BBS9: variants seen among roughly 807,000 people sequenced by gnomAD.
BBS9 encodes the protein protein PTHB1.
BBS9 carries 89 observed loss-of-function variants against 117.7 expected under a neutral mutation model. The observed-to-expected ratio is 0.76, with a 90% CI of 0.64 to 0.90. The LOEUF (loss-of-function observed/expected upper bound fraction) is 0.90. Among genes scored for constraint, BBS9 ranks in the 40% least tolerant of loss-of-function variants. The pLI, the probability that BBS9 is intolerant of heterozygous loss-of-function variation, is 0.00. For synonymous variants in BBS9, 379 were observed against 370.9 expected (o/e 1.02, Z -0.25); for missense variants, 982 against 1,042.2 (o/e 0.94, Z 0.80).
intron 5 of BBS9, among the ~76,000 whole-genome samples, chr7:33,244,826 A>G (rs549418512): frequency 6.6e-6 from 1 of 152,328 alleles, no homozygotes; most frequent in South Asian, 2.1e-4. Context: ...TCTGAATCAA[A>G]AATCACTGCC....
intron 21 of BBS9, among the ~76,000 whole-genome samples, chr7:33,627,457 G>T (rs983485931): frequency 6.6e-6 from 1 of 152,288 alleles, no homozygotes; most frequent in East Asian, 1.9e-4. Flanking sequence ...GTCCCCAGTG[G>T]GGCACTGCCT....
chr7:33,216,406 A>C (rs1168894207), intron 5 of BBS9, among the ~76,000 whole-genome samples: 1 of 152,218 alleles, frequency 6.6e-6, no homozygotes, highest in Non-Finnish European at 1.5e-5. Context: ...TTGCCAAGGA[A>C]AGGGATTAGT....
chr7:33,174,976 C>T (rs1797119004), intron 4 of BBS9, among the ~76,000 whole-genome samples: 1 of 152,146 alleles, frequency 6.6e-6, no homozygotes, highest in Admixed American at 6.5e-5. Flanking sequence ...CAAATTTAAG[C>T]CTTTATGTTT....
intron 21 of BBS9, among the ~76,000 whole-genome samples, chr7:33,559,854 G>T (rs987948058): frequency 2.0e-5 from 3 of 151,986 alleles, no homozygotes; most frequent in African/African-American, 4.8e-5. Context: ...TCACCTATCT[G>T]CAGCTTCCAG....
chr7:33,606,898 CTTG>C (rs1393185009), downstream of BBS9, among the ~76,000 whole-genome samples: 1 of 152,040 alleles, frequency 6.6e-6, no homozygotes, highest in Admixed American at 6.6e-5. Context: ...TGTATTCTCT[CTTG>C]TTGTGTCTCT....
chr7:33,407,521 A>G (rs1270163279), intron 19 of BBS9, among the ~76,000 whole-genome samples: 2 of 152,054 alleles, frequency 1.3e-5, no homozygotes, highest in East Asian at 1.9e-4. Flanking sequence ...TGCTTTTTAG[A>G]GTTTCCAGTT....
chr7:33,635,379 T>C (rs980846726), exon 22 of BBS9, among the ~76,000 whole-genome samples: 1 of 152,160 alleles, frequency 6.6e-6, no homozygotes, highest in African/African-American at 2.4e-5. Context: ...GGATCTTTCC[T>C]GTTGTGTGGA....
chr7:33,565,844 T>TTA (rs1554539789), intron 21 of BBS9, among the ~76,000 whole-genome samples: 23,918 of 78,578 alleles, frequency 0.3, 4,894 homozygotes, highest in Non-Finnish European at 0.4. Flanking sequence ...TATATACTGC[T>TTA]TATATATATA....
intron 19 of BBS9, among the ~76,000 whole-genome samples, chr7:33,411,011 GTTTTTTTT>G (rs765425062): frequency 0.038 from 3,653 of 96,572 alleles, 164 homozygotes; most frequent in African/African-American, 0.12. Flanking sequence ...AAATGTTGGT[GTTTTTTTT>G]TTTTTTTTTT....
intron 9 of BBS9, among the ~76,000 whole-genome samples, chr7:33,330,396 T>G (rs1009825056): frequency 6.6e-6 from 1 of 152,210 alleles, no homozygotes; most frequent in African/African-American, 2.4e-5. Flanking sequence ...TATTTTATAT[T>G]GGTTGCCAAT....
intron 21 of BBS9, among the ~76,000 whole-genome samples, chr7:33,567,628 G>A (rs972125149): frequency 5.3e-5 from 8 of 152,008 alleles, no homozygotes; most frequent in African/African-American, 1.9e-4. Context: ...TCTGTTATTA[G>A]TTACTTTCTG....
At chr7:33,205,143 C>A (rs1355029187) in intron 5 of BBS9, among the ~76,000 whole-genome samples, 1 of 152,176 alleles carries the variant, frequency 6.6e-6, no homozygotes, top group African/African-American at 2.4e-5. Context: ...CTTTAGTACA[C>A]TAACCTTCTT....
At chr7:33,536,681 T>TCCCCCC (rs1563323298) in intron 21 of BBS9, among the ~76,000 whole-genome samples, 14 of 44,282 alleles carry the variant, frequency 3.2e-4, no homozygotes, top group South Asian at 1.4e-3. Flanking sequence ...GATTCGGCCT[T>TCCCCCC]CCCCCCGCCC....
chr7:33,159,602 C>G (rs1794556077), intron 4 of BBS9, among the ~76,000 whole-genome samples: 1 of 152,298 alleles, frequency 6.6e-6, no homozygotes, highest in Middle Eastern at 3.4e-3. Context: ...CAGGTTCTCA[C>G]ATAGGTGAGA....
At chr7:33,549,044 A>G (rs1258899458) in intron 21 of BBS9, among the ~76,000 whole-genome samples, 4 of 150,662 alleles carry the variant, frequency 2.7e-5, no homozygotes, top group African/African-American at 9.9e-5. Context: ...AGGCTACAGT[A>G]ACCAAAACAG....
chr7:33,462,413 T>C (rs778008573), intron 19 of BBS9, among the ~76,000 whole-genome samples: 19 of 152,128 alleles, frequency 1.2e-4, no homozygotes, highest in Admixed American at 1.1e-3. Context: ...CATTGGAAGA[T>C]GGCACAGAGT....
chr7:33,387,473 AT>A (rs1193570324), intron 18 of BBS9, among the ~76,000 whole-genome samples: 1 of 151,760 alleles, frequency 6.6e-6, no homozygotes, highest in Non-Finnish European at 1.5e-5. Flanking sequence ...TTTCTTTATA[AT>A]TTTTTAAAAT....
intron 20 of BBS9, among the ~76,000 whole-genome samples, chr7:33,516,384 G>T (rs1847799283): frequency 6.6e-6 from 1 of 151,256 alleles, no homozygotes; most frequent in Non-Finnish European, 1.5e-5. Flanking sequence ...AGCTACTTGG[G>T]AGGCTGAGGC....
rs368237043 is a variant in BBS9 at position 33,280,765 on chromosome 7, G to GA, written c.1016+6814dup. 4.4e-3 allele frequency among the ~76,000 whole-genome samples: 671 copies of GA among 152,186 alleles called. 6 individuals carry two copies. The highest frequency in any genetic ancestry group is 0.015 in the African/African-American group (633 of 41,530). ...AAAGACCTTATAAGATCTCTTAGTT[G>GA]AAAAACCTTTTTAAAATATGAAAAA... On this transcript the variant is annotated intron_variant, in intron 9 of 22. Transcript: ENST00000242067.
Sources: gnomAD v4.1 joint callset for allele counts (sites outside exome capture counted in the v4.1 genomes callset) on GRCh38, gnomAD v4.1.1 for gene constraint, MANE v1.5 for transcripts, NCBI Gene and HGNC (gene_info 2026-07-23, HGNC 2026-07-21) for gene names.